Variants in PREX2 observed in about 807,000 individuals in gnomAD.
PREX2 encodes phosphatidylinositol-3,4,5-trisphosphate dependent Rac exchange factor 2.
Under a neutral mutation model 203.2 loss-of-function variants are expected in PREX2, and 107 were observed. The observed-to-expected ratio is 0.53, with a 90% CI of 0.45 to 0.62. The LOEUF is 0.62. Among genes scored for constraint, PREX2 ranks in the 20% least tolerant of loss-of-function variants. PREX2 has a pLI of 0.00. For missense variants in PREX2, 1,777 were observed against 1,955.9 expected, an observed-to-expected ratio of 0.91 and a Z score of 1.72; for synonymous variants, 672 against 663.6, an observed-to-expected ratio of 1.01 and a Z score of -0.19.
At chr8:68,013,485 C>T (rs767342700) in intron 1 of PREX2, among the ~76,000 whole-genome samples, 2 of 152,150 alleles carry the variant, frequency 1.3e-5, no homozygotes, top group Non-Finnish European at 2.9e-5. Flanking sequence ...TTCTCCCACC[C>T]CAAAACCTTC....
intron 17 of PREX2, 98 bp from the exon 18 acceptor site, chr8:68,083,142 C>G: frequency 1.2e-6 from 1 of 838,120 alleles, no homozygotes; most frequent in Non-Finnish European, 1.8e-6. Flanking sequence ...ATGTCAATAT[C>G]TATAAGCTCT....
rs535879715 is a variant in PREX2 at position 68,083,902 on chromosome 8, T to G, written c.2027+514T>G. Among the ~76,000 whole-genome samples, 320 of 152,342 alleles carry G rather than the reference T, an allele frequency of 2.1e-3. 1 individual carries two copies. Among genetic ancestry groups the G allele is most frequent in the African/African-American group, 7.2e-3 (298 of 41,576 alleles). ...CCTATGATTAGAAAAAAAGTTATGTTTATTATAGAAAATGTAGAGAATACA... is the reference window on the plus strand; with the variant it reads ...CCTATGATTAGAAAAAAAGTTATGTGTATTATAGAAAATGTAGAGAATACA... On this transcript the variant is annotated intron_variant, in intron 18 of 39. Transcript: ENST00000288368.
intron 1 of PREX2, among the ~76,000 whole-genome samples, chr8:67,991,436 T>G (rs1201849285): frequency 2.0e-5 from 3 of 152,176 alleles, no homozygotes; most frequent in South Asian, 4.1e-4. Context: ...GACTCACAGT[T>G]CAGCATAGCT....
At chr8:67,975,033 G>C (rs1004311842) in intron 1 of PREX2, among the ~76,000 whole-genome samples, 1 of 152,052 alleles carries the variant, frequency 6.6e-6, no homozygotes, top group Non-Finnish European at 1.5e-5. Context: ...ACCTCTCTCT[G>C]GAGAGCTCTG....
intron 1 of PREX2, among the ~76,000 whole-genome samples, chr8:67,967,935 G>T (rs2129018440): frequency 6.6e-6 from 1 of 152,160 alleles, no homozygotes; most frequent in South Asian, 2.1e-4. Flanking sequence ...CTGTCGTGGG[G>T]TTGGGGGAGG....
chr8:68,121,239 A>C (rs1810767967), intron 30 of PREX2, among the ~76,000 whole-genome samples, 190 bp downstream of exon 30: 1 of 152,148 alleles, frequency 6.6e-6, no homozygotes, highest in African/African-American at 2.4e-5. Context: ...TTGTGTCCCA[A>C]GGTTATAAAC....
intron 12 of PREX2, 145 bp downstream of exon 12, chr8:68,069,281 T>G (rs958553025): frequency 4.8e-5 from 27 of 559,920 alleles, no homozygotes; most frequent in Non-Finnish European, 8.0e-5. Context: ...TTTATTTATT[T>G]TTGGTATTTC....
At chr8:67,953,274 G>A (rs1805408516) in intron 1 of PREX2, among the ~76,000 whole-genome samples, 1 of 149,172 alleles carries the variant, frequency 6.7e-6, no homozygotes, top group Admixed American at 6.8e-5. Context: ...TCGGGACTTC[G>A]TGGAAGTGGG....
chr8:68,112,456 T>C (rs1810553487), intron 25 of PREX2, among the ~76,000 whole-genome samples: 1 of 152,074 alleles, frequency 6.6e-6, no homozygotes, highest in Non-Finnish European at 1.5e-5. Flanking sequence ...CAAACCACAC[T>C]TTAAGACAGT....
intron 1 of PREX2, among the ~76,000 whole-genome samples, chr8:67,981,402 G>A (rs1197077164): frequency 6.6e-6 from 1 of 152,142 alleles, no homozygotes; most frequent in Non-Finnish European, 1.5e-5. Flanking sequence ...GGCAAAACAG[G>A]TAATGAAACA....
intron 37 of PREX2, among the ~76,000 whole-genome samples, chr8:68,215,134 T>TA (rs1367342040): frequency 6.6e-6 from 1 of 152,200 alleles, no homozygotes; most frequent in Non-Finnish European, 1.5e-5. Flanking sequence ...TAAAATCTTT[T>TA]AAAATCTCTG....
At chr8:68,120,370 T>A (rs1810747067) in intron 29 of PREX2, 84 bp downstream of exon 29, 2 of 859,374 alleles carry the variant, frequency 2.3e-6, no homozygotes, top group Non-Finnish European at 3.9e-6. Flanking sequence ...GCAGATTGCA[T>A]AAGAGGAACA....
At chr8:68,218,423 A>G (rs1039573606) in intron 38 of PREX2, among the ~76,000 whole-genome samples, 2 of 152,232 alleles carry the variant, frequency 1.3e-5, no homozygotes, top group Admixed American at 1.3e-4. Context: ...CTAGCAGAAA[A>G]GATACTTAAC....
At chr8:67,986,222 T>G (rs1220584249) in intron 1 of PREX2, among the ~76,000 whole-genome samples, 1 of 152,220 alleles carries the variant, frequency 6.6e-6, no homozygotes, top group Non-Finnish European at 1.5e-5. Flanking sequence ...ATATAAATTC[T>G]TTTAATCTCC....
At chr8:68,054,426 T>C (rs1383031657) in intron 9 of PREX2, among the ~76,000 whole-genome samples, 1 of 152,180 alleles carries the variant, frequency 6.6e-6, no homozygotes, top group Non-Finnish European at 1.5e-5. Flanking sequence ...AAACTGCTTA[T>C]GATCTTTATC....
chr8:68,154,243 A>G (rs1811497803), intron 34 of PREX2, among the ~76,000 whole-genome samples: 1 of 152,262 alleles, frequency 6.6e-6, no homozygotes, highest in Non-Finnish European at 1.5e-5. Flanking sequence ...TTGGAATTAA[A>G]TTAGGTAATA....
intron 20 of PREX2, among the ~76,000 whole-genome samples, chr8:68,091,584 A>G (rs1809875684): frequency 6.6e-6 from 1 of 152,194 alleles, no homozygotes; most frequent in African/African-American, 2.4e-5. Context: ...TCTACATGAA[A>G]ATAACTGATC....
intron 39 of PREX2, among the ~76,000 whole-genome samples, chr8:68,227,671 A>G (rs938190372): frequency 1.1e-4 from 16 of 152,210 alleles, no homozygotes; most frequent in African/African-American, 3.9e-4. Context: ...CTGAAGAGAA[A>G]GCAGAGGAAG....
chr8:68,167,931 G>T (rs951337622), intron 35 of PREX2, among the ~76,000 whole-genome samples: 5 of 152,114 alleles, frequency 3.3e-5, no homozygotes, highest in Admixed American at 1.3e-4. Context: ...CTGCAGACTT[G>T]CTAAAAGCTC....
Sources: gnomAD v4.1 joint callset for allele counts (sites outside exome capture counted in the v4.1 genomes callset) on GRCh38, gnomAD v4.1.1 for gene constraint, MANE v1.5 for transcripts, NCBI Gene and HGNC (gene_info 2026-07-23, HGNC 2026-07-21) for gene names.